The following NFATC2 variants were observed in gnomAD, a reference collection of about 807,000 sequenced individuals.
NFATC2 encodes the protein nuclear factor of activated T-cells, cytoplasmic 2.
NFATC2 carries 22 observed loss-of-function variants against 87.3 expected under a neutral mutation model. The observed-to-expected ratio is 0.25, with a 90% CI of 0.18 to 0.36. NFATC2 has a LOEUF of 0.36. Among genes scored for constraint, NFATC2 ranks in the 10% least tolerant of loss-of-function variants. The probability of loss-of-function intolerance (pLI) is 1.00; values close to 1 mark genes in which losing one functional copy is unlikely to be tolerated. For missense variants in NFATC2, 1,149 were observed against 1,259.1 expected, an observed-to-expected ratio of 0.91 and a Z score of 1.32; for synonymous variants, 565 against 542.2, an observed-to-expected ratio of 1.04 and a Z score of -0.58.
chr20:51,453,405 T>C (rs1986040383), intron 6 of NFATC2, among the ~76,000 whole-genome samples: 1 of 152,194 alleles, frequency 6.6e-6, no homozygotes, highest in Non-Finnish European at 1.5e-5. Flanking sequence ...TGTTATATTC[T>C]CGGATTGTTC....
chr20:51,396,472 AAGC>A (rs1246613525), intron 10 of NFATC2, among the ~76,000 whole-genome samples: 1 of 152,140 alleles, frequency 6.6e-6, no homozygotes, highest in Non-Finnish European at 1.5e-5. Flanking sequence ...TCCCCTGAGA[AAGC>A]AGCAACAGGA....
intron 9 of NFATC2, among the ~76,000 whole-genome samples, chr20:51,431,648 G>A (rs1490231004): frequency 6.6e-6 from 1 of 152,104 alleles, no homozygotes; most frequent in Non-Finnish European, 1.5e-5. Context: ...ATACAAAAGA[G>A]GGCTATAAAA....
chr20:51,448,155 AACAG>A (rs1336494397), intron 6 of NFATC2, among the ~76,000 whole-genome samples: 1 of 152,216 alleles, frequency 6.6e-6, no homozygotes, highest in Non-Finnish European at 1.5e-5. Flanking sequence ...GTGATAAATG[AACAG>A]ACAGACAAGG....
At chr20:51,438,004 G>A (rs1324565917) in intron 6 of NFATC2, among the ~76,000 whole-genome samples, 2 of 118,876 alleles carry the variant, frequency 1.7e-5, no homozygotes, top group East Asian at 2.4e-4. Flanking sequence ...AACTGAGCAG[G>A]CATGTCTGAT....
At chr20:51,534,737 A>C (rs2076692014) in intron 1 of NFATC2, among the ~76,000 whole-genome samples, 1 of 152,142 alleles carries the variant, frequency 6.6e-6, no homozygotes, top group African/African-American at 2.4e-5. Flanking sequence ...CGAACATTTC[A>C]AGTCCCCCAG....
intron 3 of NFATC2, among the ~76,000 whole-genome samples, chr20:51,482,191 C>G (rs893952527): frequency 6.7e-6 from 1 of 150,360 alleles, no homozygotes; most frequent in Non-Finnish European, 1.5e-5. Context: ...GCAATAAGAA[C>G]CCAGAGACAC....
chr20:51,476,763 A>G (rs1168917693), intron 3 of NFATC2, among the ~76,000 whole-genome samples: 1 of 152,242 alleles, frequency 6.6e-6, no homozygotes, highest in East Asian at 1.9e-4. Context: ...AGTGAGTAAG[A>G]TATTTGAACA....
At position 51,432,664 on chromosome 20, in the gene NFATC2, G is replaced by T; in HGVS notation, c.2125C>A (p.Pro709Thr). Residue 709 changes from proline (P) to threonine (T), a missense_variant, in exon 9 of 11, where the codon CCC becomes ACC. Pro to Thr is a conservative substitution (Grantham distance 38, BLOSUM62 -1). Around this residue, in one of 3 missense-constraint regions of NFATC2, gnomAD observed 581 missense variants for 649.7 expected, o/e 0.89. Transcript: ENST00000371564. This position sits in a 1 kb window ranked among gnomAD's most constrained non-coding sequence, Gnocchi z 4.6. ...HGGLGSQPYY[P>T]QHPMVAESPS... ...GACTCGGCCACCATCGGGTGCTGGG[G>T]GTAGTAAGGCTGGCTCCCCAGGCCT... 1 of 1,564,114 alleles carries T rather than the reference G, an allele frequency of 6.4e-7. No homozygotes were observed. Among genetic ancestry groups the T allele is most frequent in the Non-Finnish European group, 8.6e-7 (1 of 1,161,338 alleles).
Position 51,477,535 on chromosome 20 carries a change from C to CTATATA in NFATC2, c.1333-1881_1333-1876dup, listed in dbSNP as rs11467129. On this transcript the variant is annotated intron_variant, in intron 3 of 10. Transcript: ENST00000371564. ...TATATATACATATGTGTGTGTGTGT[C>CTATATA]TATATATATATATATATATATATAT... 7.5e-3 allele frequency among the ~76,000 whole-genome samples: 542 copies of CTATATA among 72,602 alleles called. 5 individuals are homozygous for CTATATA. The highest frequency in any genetic ancestry group is 9.4e-3 in the Non-Finnish European group (349 of 37,124). 47.6% of individuals were successfully genotyped at this position (72,602 alleles called of 152,430 possible). A position where few individuals can be genotyped will look rare whatever the true frequency, so the allele number is the denominator to read the frequency against.
At chr20:51,473,890 G>T in intron 5 of NFATC2, 90 bp downstream of exon 5, 1 of 1,422,282 alleles carries the variant, frequency 7.0e-7, no homozygotes, top group South Asian at 1.4e-5. Context: ...AGGCCACCCC[G>T]GGTACCTCGC....
Position 51,542,555 on chromosome 20 carries a change from C to G in NFATC2, c.-56G>C, listed in dbSNP as rs1003502082. 3.8e-6 allele frequency: 5 copies of G among 1,310,800 alleles called. No homozygotes were observed. Among genetic ancestry groups the G allele is most frequent in the Non-Finnish European group, 4.9e-6 (5 of 1,029,740 alleles). The allele number at this position is 1,310,800 out of a possible 1,614,324, so 81.2% of individuals were successfully genotyped here. A position where few individuals can be genotyped will look rare whatever the true frequency, so the allele number is the denominator to read the frequency against. ...GGGGCGAGGGCGGGCGCGGCTGGCT[C>G]TGGGACCCCTCGCAGTGGGGCTGGC... On this transcript the variant is annotated 5_prime_UTR_variant, in exon 1 of 11. Coordinates refer to ENST00000371564, the MANE Select transcript of NFATC2 (RefSeq NM_012340.5).
chr20:51,555,361 A>G (rs1250887782), intron 1 of NFATC2, among the ~76,000 whole-genome samples: 1 of 152,082 alleles, frequency 6.6e-6, no homozygotes, highest in Non-Finnish European at 1.5e-5. Context: ...TGGGAGGCCG[A>G]GTCAGGTGGA....
At chr20:51,402,079 C>A (rs749999071) in intron 9 of NFATC2, among the ~76,000 whole-genome samples, 1 of 152,226 alleles carries the variant, frequency 6.6e-6, no homozygotes, top group Non-Finnish European at 1.5e-5. Context: ...CAGATGTCCC[C>A]TCCTAGCCAG....
chr20:51,466,759 A>G (rs1466013334), intron 5 of NFATC2, among the ~76,000 whole-genome samples: 1 of 152,152 alleles, frequency 6.6e-6, no homozygotes, highest in Non-Finnish European at 1.5e-5. Flanking sequence ...ATCAAAATAA[A>G]ATATGAATGT....
chr20:51,409,552 C>T (rs548787679), intron 9 of NFATC2, among the ~76,000 whole-genome samples: 6 of 152,348 alleles, frequency 3.9e-5, no homozygotes, highest in African/African-American at 1.4e-4. Context: ...CACTGAGCAT[C>T]ATGGCTGTGA....
At chr20:51,456,343 C>T (rs914204836) in intron 5 of NFATC2, among the ~76,000 whole-genome samples, 3 of 152,090 alleles carry the variant, frequency 2.0e-5, no homozygotes, top group Non-Finnish European at 4.4e-5. Flanking sequence ...TAAAATGATT[C>T]GCATTTGACT....
At chr20:51,428,361 C>T (rs1482067239) in intron 9 of NFATC2, among the ~76,000 whole-genome samples, 1 of 152,152 alleles carries the variant, frequency 6.6e-6, no homozygotes, top group African/African-American at 2.4e-5. Context: ...TGGAGAAACA[C>T]GGGGCTCAGG....
intron 1 of NFATC2, among the ~76,000 whole-genome samples, chr20:51,531,794 GC>G: frequency 6.6e-6 from 1 of 152,302 alleles, no homozygotes; most frequent in Non-Finnish European, 1.5e-5. Context: ...TGACAATTCT[GC>G]CCTTTCCCTG....
In NFATC2 at chr20:51,562,474, C is replaced by T; in HGVS notation, c.70+86G>A. On this transcript the variant is annotated intron_variant, in intron 1 of 10. Coordinates refer to the NFATC2 transcript ENST00000414705. This position sits in a 1 kb window ranked among gnomAD's most constrained non-coding sequence, Gnocchi z 5.8. ...CTCCCGCACCGACCTCTGCCGGGAGCTGAAAGTGCTGCCCGGGACGGGAGC... is the reference window on the plus strand; with the variant it reads ...CTCCCGCACCGACCTCTGCCGGGAGTTGAAAGTGCTGCCCGGGACGGGAGC... 1.6e-6 allele frequency: 2 copies of T among 1,243,380 alleles called. No individual in the cohort carries two copies. Among genetic ancestry groups the T allele is most frequent in the Non-Finnish European group, 2.3e-6 (2 of 880,230 alleles). 77.0% of individuals were successfully genotyped at this position (1,243,380 alleles called of 1,614,324 possible).
Sources: gnomAD v4.1 joint callset for allele counts (sites outside exome capture counted in the v4.1 genomes callset) on GRCh38, gnomAD v4.1.1 for gene constraint, gnomAD v4.1.1 regional missense constraint, Gnocchi (gnomAD v3.1) non-coding constraint, MANE v1.5 for transcripts, NCBI Gene and HGNC (gene_info 2026-07-23, HGNC 2026-07-21) for gene names.